NCOR2: variants seen among roughly 807,000 people sequenced by gnomAD.
NCOR2 encodes the protein nuclear receptor corepressor 2.
A neutral mutation model predicts 262.9 loss-of-function variants in NCOR2; 81 were observed. That is an observed-to-expected ratio of 0.31 (90% CI 0.26 to 0.37). The LOEUF is 0.37. NCOR2 is among the 10% of genes least tolerant of loss of function. NCOR2 has a pLI of 1.00. For synonymous variants in NCOR2, 1,659 were observed against 1,559.3 expected (o/e 1.06, Z -1.51); for missense variants, 3,385 against 3,621.4 (o/e 0.93, Z 1.68).
chr12:124,498,085 C>T (rs971266228), upstream of NCOR2, among the ~76,000 whole-genome samples: 1 of 152,204 alleles, frequency 6.6e-6, no homozygotes, highest in East Asian at 1.9e-4. Flanking sequence ...GAGATAAGGC[C>T]GTCACTTCTG....
At chr12:124,558,593 G>A (rs535843173) in intron 1 of NCOR2, among the ~76,000 whole-genome samples, 12 of 152,164 alleles carry the variant, frequency 7.9e-5, no homozygotes, top group East Asian at 3.9e-4. Flanking sequence ...CCAGAAGGAC[G>A]CCCAGAACAG....
At chr12:124,392,802 GC>G (rs2041402135) in intron 16 of NCOR2, among the ~76,000 whole-genome samples, 1 of 152,218 alleles carries the variant, frequency 6.6e-6, no homozygotes, top group Admixed American at 6.5e-5. Context: ...AGCCCGTCAG[GC>G]CAGCCCATGT....
intron 13 of NCOR2, 117 bp downstream of exon 15, chr12:124,419,840 C>A: frequency 3.2e-6 from 3 of 930,156 alleles, no homozygotes; most frequent in Non-Finnish European, 5.1e-6. Flanking sequence ...GGTGGCCAAG[C>A]AACAACAACT....
intron 20 of NCOR2, among the ~76,000 whole-genome samples, chr12:124,364,236 A>G (rs1463123552): frequency 6.6e-6 from 1 of 152,094 alleles, no homozygotes; most frequent in African/African-American, 2.4e-5. Flanking sequence ...CCAGAAAGCC[A>G]AAGAATCAGC....
intron 21 of NCOR2, 65 bp from the exon 24 acceptor site, chr12:124,362,362 G>A (rs2038652662): frequency 2.3e-6 from 3 of 1,313,066 alleles, no homozygotes; most frequent in Non-Finnish European, 2.9e-6. Context: ...GTCAGGGAGA[G>A]ACATGCACGC....
chr12:124,456,399 C>G (rs1310515170), intron 6 of NCOR2, among the ~76,000 whole-genome samples: 1 of 152,210 alleles, frequency 6.6e-6, no homozygotes, highest in Non-Finnish European at 1.5e-5. Flanking sequence ...TCCACCCATC[C>G]TCAGCCCAGG....
In NCOR2 at chr12:124,326,183, G is replaced by A. The variant is rs1335285111; in HGVS notation, c.7363+8C>T. 3 of 1,516,094 alleles carry A rather than the reference G, an allele frequency of 2.0e-6. No homozygotes were observed. Among genetic ancestry groups the A allele is most frequent in the African/African-American group, 2.8e-5 (2 of 71,620 alleles). The allele number at this position is 1,516,094 out of a possible 1,614,324, so 93.9% of individuals were successfully genotyped here. On this transcript the variant is annotated splice_region_variant and intron_variant, in intron 46 of 46. Coordinates refer to ENST00000405201, the Ensembl canonical transcript of NCOR2. ...GCGAGCCCAGCCCTGTCCCCACCTGGTGCCCACCTGCGGACGAGGGCCTGT... is the reference window on the plus strand; with the variant it reads ...GCGAGCCCAGCCCTGTCCCCACCTGATGCCCACCTGCGGACGAGGGCCTGT...
rs183346919 is a variant in NCOR2 at position 124,520,500 on chromosome 12, C to G, written c.-118+15065G>C. On this transcript the variant is annotated intron_variant, in intron 1 of 46. Transcript: ENST00000404621. ...CCCTGGAATCCACGGTAACTCCTCC[C>G]ACCCCCTCAGAGCGACTGTGTGCTA... 5.6e-3 allele frequency among the ~76,000 whole-genome samples: 855 copies of G among 152,296 alleles called. 32 individuals carry two copies. Among genetic ancestry groups the G allele is most frequent in the Non-Finnish European group, 9.6e-4 (65 of 68,016 alleles).
chr12:124,368,346 T>A (rs2039207184), intron 20 of NCOR2, among the ~76,000 whole-genome samples: 2 of 152,008 alleles, frequency 1.3e-5, no homozygotes. Flanking sequence ...CAACAGTACA[T>A]CCCCTCTCCA....
rs2050756587 is a variant in NCOR2 at position 124,531,272 on chromosome 12, G to C, written c.-118+4293C>G. ...GACAGGGAGGGGGCTGCAGGGATGG[G>C]GGCTCTGCACCAGCTCCCACAGGCC... On this transcript the variant is annotated intron_variant, in intron 1 of 46. Transcript: ENST00000404621. This position sits in a 1 kb window ranked among gnomAD's most constrained non-coding sequence, Gnocchi z 4.5. Among the ~76,000 whole-genome samples the C allele has an allele frequency of 6.6e-6, 1 of 152,190 alleles. No homozygotes were observed. Among genetic ancestry groups the C allele is most frequent in the Non-Finnish European group, 1.5e-5 (1 of 68,020 alleles).
At chr12:124,420,175 G>A (rs904062437) in intron 12 of NCOR2, 120 bp from the exon 15 acceptor site, 7 of 733,018 alleles carry the variant, frequency 9.5e-6, no homozygotes, top group African/African-American at 1.8e-5. Flanking sequence ...GGGTGACCTC[G>A]GACAGATGAC....
exon 12 of NCOR2, chr12:124,422,525 C>A: frequency 2.5e-6 from 4 of 1,614,080 alleles, no homozygotes; most frequent in Non-Finnish European, 3.4e-6. Context: ...ATGATGCGAT[C>A]AGGCCAAAGT....
intron 1 of NCOR2, among the ~76,000 whole-genome samples, chr12:124,510,765 G>A (rs1001762995): frequency 2.6e-5 from 4 of 152,006 alleles, no homozygotes; most frequent in African/African-American, 7.2e-5. Flanking sequence ...CCAGCCAGAG[G>A]TGCCCATGGG....
exon 45 of NCOR2, chr12:124,327,538 C>G: frequency 6.2e-7 from 1 of 1,613,868 alleles, no homozygotes; most frequent in African/African-American, 1.3e-5. Flanking sequence ...TCCCACTGGT[C>G]ATATTTACCC....
chr12:124,354,362 G>A (rs1458020473), intron 26 of NCOR2, 116 bp downstream of exon 28: 2 of 1,215,458 alleles, frequency 1.6e-6, no homozygotes, highest in Admixed American at 4.9e-5. Context: ...GCTGTGAAGA[G>A]GGGCCCCCAG....
At position 124,503,729 on chromosome 12, in the gene NCOR2, T is replaced by C. The variant is rs963722306; in HGVS notation, c.-117-8361A>G. Among the ~76,000 whole-genome samples the C allele has an allele frequency of 1.3e-5, 2 of 150,356 alleles. No homozygotes were observed. Among genetic ancestry groups the C allele is most frequent in the Non-Finnish European group, 3.0e-5 (2 of 67,604 alleles). ...ATGGATGGACAGACGAATGGATGGA[T>C]GGATGGACGGATGGATGCATGGATG... On this transcript the variant is annotated intron_variant, in intron 1 of 46. Coordinates refer to the NCOR2 transcript ENST00000404621. The surrounding 1 kb of genome is among the most constrained non-coding windows in gnomAD (Gnocchi z 4.3).
At chr12:124,344,870 C>T (rs368957269) in exon 32 of NCOR2, 67 of 1,576,412 alleles carry the variant, frequency 4.3e-5, no homozygotes, top group Non-Finnish European at 5.2e-5. Context: ...AACGTCCGGC[C>T]GGGGCTGCCG....
chr12:124,370,583 C>T (rs899119570), intron 20 of NCOR2, among the ~76,000 whole-genome samples: 2 of 152,218 alleles, frequency 1.3e-5, no homozygotes, highest in African/African-American at 4.8e-5. Flanking sequence ...GAAAACAATT[C>T]CTCCAGCCAT....
At chr12:124,382,744 G>T (rs2040501194) in intron 17 of NCOR2, among the ~76,000 whole-genome samples, 1 of 152,252 alleles carries the variant, frequency 6.6e-6, no homozygotes, top group Admixed American at 6.5e-5. Context: ...GGATACAGCA[G>T]GCGCTGAATA....
Sources: allele counts gnomAD v4.1 joint callset (sites outside exome capture counted in the v4.1 genomes callset), GRCh38; gene constraint gnomAD v4.1.1; non-coding constraint Gnocchi (gnomAD v3.1); transcripts MANE v1.5; gene names NCBI Gene and HGNC (gene_info 2026-07-23, HGNC 2026-07-21).